The following CTIF variants were observed in gnomAD, a reference collection of about 807,000 sequenced individuals.
The protein encoded by CTIF is CBP80/20-dependent translation initiation factor.
A neutral mutation model predicts 66.0 loss-of-function variants in CTIF; 21 were observed. The observed-to-expected ratio is 0.32, with a 90% CI of 0.23 to 0.46. The LOEUF (loss-of-function observed/expected upper bound fraction) is 0.46, where lower values mean the gene tolerates loss of function less well. Ranked by LOEUF, CTIF falls within the 20% of genes least tolerant of loss-of-function variation. The probability of loss-of-function intolerance (pLI) is 1.00; values close to 1 mark genes in which losing one functional copy is unlikely to be tolerated. For synonymous variants in CTIF, 345 were observed against 326.4 expected, an observed-to-expected ratio of 1.06 and a Z score of -0.62; for missense variants, 739 against 812.7, an observed-to-expected ratio of 0.91 and a Z score of 1.10.
In CTIF at chr18:48,761,030, C is replaced by T. The variant is rs143021765; in HGVS notation, c.1072-360C>T. The stretch of plus-strand genomic sequence containing the variant: ...TCCTACCCTCATTTTCTCTTTGGCC[C>T]GATTTCATATTTGTTATCTTATTTC... On this transcript the variant is annotated intron_variant, in intron 8 of 11. Transcript: ENST00000256413. This position sits in a 1 kb window ranked among gnomAD's most constrained non-coding sequence, Gnocchi z 4.2. The T allele has an allele frequency of 1.2e-3, 206 of 175,122 alleles. 1 individual carries two copies. Among genetic ancestry groups the T allele is most frequent in the Non-Finnish European group, 1.8e-3 (151 of 83,196 alleles). The allele number at this position is 175,122 out of a possible 1,614,324, so 10.8% of individuals were successfully genotyped here. A position where few individuals can be genotyped will look rare whatever the true frequency, so the allele number is the denominator to read the frequency against.
At chr18:48,583,787 G>A (rs1205269174) in intron 1 of CTIF, among the ~76,000 whole-genome samples, 1 of 152,196 alleles carries the variant, frequency 6.6e-6, no homozygotes, top group African/African-American at 2.4e-5. Flanking sequence ...TGGATGGACA[G>A]AAGGTATGTC....
At chr18:48,797,590 G>T (rs1010185493) in intron 9 of CTIF, among the ~76,000 whole-genome samples, 1 of 151,866 alleles carries the variant, frequency 6.6e-6, no homozygotes, top group East Asian at 1.9e-4. Context: ...GGGATTTGCT[G>T]GGGAGACAGA....
At position 48,862,823 on chromosome 18, in the gene CTIF, C is replaced by CAA. The variant is rs2069507007; in HGVS notation, c.*3265_*3266dup. 1.3e-5 allele frequency: 2 copies of CAA among 152,392 alleles called. No homozygotes were observed. Among genetic ancestry groups the CAA allele is most frequent in the East Asian group, 1.9e-4 (1 of 5,190 alleles). The allele number at this position is 152,392 out of a possible 1,614,324, so 9.4% of individuals were successfully genotyped here. A position where few individuals can be genotyped will look rare whatever the true frequency, so the allele number is the denominator to read the frequency against. On this transcript the variant is annotated 3_prime_UTR_variant, in exon 12 of 12. Transcript: ENST00000256413. ...CCCCAGACGCGGGCCTCCAAGAAGCCAAGTCCCAGTCTGTTTTCTGGCATC... is the reference window on the plus strand; with the variant it reads ...CCCCAGACGCGGGCCTCCAAGAAGCCAAAAGTCCCAGTCTGTTTTCTGGCATC...
intron 10 of CTIF, among the ~76,000 whole-genome samples, chr18:48,829,615 A>G (rs1047361138): frequency 5.9e-5 from 9 of 152,192 alleles, no homozygotes; most frequent in Admixed American, 1.3e-4. Context: ...GGTGCCCTCC[A>G]TCTAGCAGTT....
intron 2 of CTIF, among the ~76,000 whole-genome samples, chr18:48,631,666 G>T (rs1206334671): frequency 3.3e-5 from 5 of 152,158 alleles, no homozygotes; most frequent in African/African-American, 1.2e-4. Flanking sequence ...TTTGTTCCAG[G>T]TTTTTAAATT....
At chr18:48,711,965 G>C (rs1228154800) in intron 7 of CTIF, among the ~76,000 whole-genome samples, 1 of 152,188 alleles carries the variant, frequency 6.6e-6, no homozygotes, top group Non-Finnish European at 1.5e-5. Flanking sequence ...GGGTCAGGCA[G>C]TGACCAGGCT....
At chr18:48,691,321 A>G (rs1189103049) in intron 6 of CTIF, among the ~76,000 whole-genome samples, 2 of 152,190 alleles carry the variant, frequency 1.3e-5, no homozygotes, top group African/African-American at 4.8e-5. Flanking sequence ...GCCGAAGACA[A>G]TTCCAGGGCC....
At chr18:48,586,276 C>CTTTT (rs545720420) in intron 1 of CTIF, among the ~76,000 whole-genome samples, 1 of 138,486 alleles carries the variant, frequency 7.2e-6, no homozygotes. Flanking sequence ...CACACTTTTA[C>CTTTT]TTTTTTTTTT....
chr18:48,787,115 T>C (rs949220472), intron 9 of CTIF, among the ~76,000 whole-genome samples: 3 of 152,134 alleles, frequency 2.0e-5, no homozygotes, highest in Admixed American at 1.3e-4. Context: ...ACAACAGCAG[T>C]GCCTTTCACT....
intron 9 of CTIF, among the ~76,000 whole-genome samples, chr18:48,805,189 C>G (rs959610204): frequency 2.6e-5 from 4 of 152,200 alleles, no homozygotes; most frequent in Non-Finnish European, 5.9e-5. Context: ...ATTCCCAGCC[C>G]TCTGCTTCAC....
intron 1 of CTIF, among the ~76,000 whole-genome samples, chr18:48,578,975 C>T (rs114765029): frequency 2.1e-3 from 325 of 152,268 alleles, no homozygotes; most frequent in African/African-American, 6.2e-3. Flanking sequence ...GGTTGTACAA[C>T]GCTCTGACAT....
chr18:48,831,791 TA>T, intron 10 of CTIF, among the ~76,000 whole-genome samples: 1 of 152,230 alleles, frequency 6.6e-6, no homozygotes. Context: ...TAATCAATAT[TA>T]AAAAGTACCA....
intron 9 of CTIF, among the ~76,000 whole-genome samples, chr18:48,770,623 C>T (rs1032814853): frequency 1.3e-5 from 2 of 152,256 alleles, no homozygotes; most frequent in African/African-American, 4.8e-5. Flanking sequence ...CCATCTGGAG[C>T]AGACAGGTGT....
chr18:48,858,392 G>C lies in CTIF; in HGVS notation c.1581+751G>C, dbSNP rs1322502693. ...GCTGGGCACCCTACAGGGGGCTTGG[G>C]ATTAGGGGGGAATTAGGGAGAAGGA... On this transcript the variant is annotated intron_variant, in intron 11 of 11. Coordinates refer to ENST00000256413, the MANE Select transcript of CTIF (RefSeq NM_014772.3). Among the ~76,000 whole-genome samples the C allele has an allele frequency of 2.0e-5, 3 of 152,268 alleles. No individual in the cohort carries two copies. In the East Asian group the frequency reaches 5.8e-4, roughly 29 times the overall value.
chr18:48,618,888 A>T (rs1055120927), intron 1 of CTIF, among the ~76,000 whole-genome samples: 4 of 152,328 alleles, frequency 2.6e-5, no homozygotes, highest in African/African-American at 9.6e-5. Context: ...ACAATGCAGC[A>T]AGCCTTTCTC....
intron 7 of CTIF, among the ~76,000 whole-genome samples, chr18:48,732,841 G>A (rs2145680821): frequency 6.6e-6 from 1 of 152,360 alleles, no homozygotes; most frequent in African/African-American, 2.4e-5. Context: ...GTGCAAGGCA[G>A]GAGGAGGCAC....
intron 9 of CTIF, among the ~76,000 whole-genome samples, chr18:48,774,997 T>G (rs1910535139): frequency 6.6e-6 from 1 of 151,946 alleles, no homozygotes; most frequent in African/African-American, 2.4e-5. Flanking sequence ...GGGAGTAATA[T>G]CTCTAAAGTG....
At chr18:48,702,496 T>C (rs2092097251) in intron 6 of CTIF, among the ~76,000 whole-genome samples, 1 of 152,198 alleles carries the variant, frequency 6.6e-6, no homozygotes, top group African/African-American at 2.4e-5. Flanking sequence ...TGGGATAGTA[T>C]TGAGAGCAGA....
chr18:48,797,936 G>C (rs1318465411), intron 9 of CTIF, among the ~76,000 whole-genome samples: 3 of 152,282 alleles, frequency 2.0e-5, no homozygotes, highest in Middle Eastern at 6.8e-3. Context: ...GGTGGGCAAA[G>C]CCAGTAGCAG....
Sources: gnomAD v4.1 joint callset for allele counts (sites outside exome capture counted in the v4.1 genomes callset) on GRCh38, gnomAD v4.1.1 for gene constraint, Gnocchi (gnomAD v3.1) non-coding constraint, MANE v1.5 for transcripts, NCBI Gene and HGNC (gene_info 2026-07-23, HGNC 2026-07-21) for gene names.